NR2F6: variants seen among roughly 807,000 people sequenced by gnomAD.
NR2F6 encodes the protein nuclear receptor subfamily 2 group F member 6, also known as ERBA-related gene-2.
Under a neutral mutation model 26.5 loss-of-function variants are expected in NR2F6, and 16 were observed. The ratio of observed to expected loss-of-function variants is 0.60; its 90% CI spans 0.41 to 0.92. The LOEUF (loss-of-function observed/expected upper bound fraction) is 0.92, where lower values mean the gene tolerates loss of function less well. NR2F6 is among the 40% of genes least tolerant of loss of function. The probability of loss-of-function intolerance (pLI) is 0.00; values close to 1 mark genes in which losing one functional copy is unlikely to be tolerated. For synonymous variants in NR2F6, 325 were observed against 305.0 expected, an observed-to-expected ratio of 1.07 and a Z score of -0.68; for missense variants, 536 against 631.7, an observed-to-expected ratio of 0.85 and a Z score of 1.62.
At chr19:17,236,850 G>A (rs2073441589) in intron 2 of NR2F6, among the ~76,000 whole-genome samples, 1 of 152,236 alleles carries the variant, frequency 6.6e-6, no homozygotes, top group South Asian at 2.1e-4. Context: ...CAGTAGCCTT[G>A]CTTATGAAGC....
chr19:17,240,987 G>C (rs1233981740), intron 1 of NR2F6, among the ~76,000 whole-genome samples: 1 of 152,234 alleles, frequency 6.6e-6, no homozygotes, highest in African/African-American at 2.4e-5. Flanking sequence ...CTGTGGAAAA[G>C]CAGATGAACA....
intron 2 of NR2F6, among the ~76,000 whole-genome samples, chr19:17,236,985 G>A (rs2073442440): frequency 6.6e-6 from 1 of 152,230 alleles, no homozygotes; most frequent in Non-Finnish European, 1.5e-5. Flanking sequence ...GGGTGGGCGG[G>A]ATGGCAGGGC....
At chr19:17,240,621 C>T (rs372642988) in intron 2 of NR2F6, 50 bp downstream of exon 2, 72 of 1,584,524 alleles carry the variant, frequency 4.5e-5, no homozygotes, top group South Asian at 1.7e-4. Flanking sequence ...TTGTTCACCC[C>T]GGCTCCAGCG....
intron 1 of NR2F6, among the ~76,000 whole-genome samples, chr19:17,243,063 C>G (rs1053514009): frequency 6.6e-6 from 1 of 152,208 alleles, no homozygotes; most frequent in Non-Finnish European, 1.5e-5. Flanking sequence ...CCCCCTCTTA[C>G]AGCACAGCTC....
At position 17,245,188 on chromosome 19, in the gene NR2F6, G is replaced by A; in HGVS notation, c.33C>T (p.Pro11=). 2.2e-6 allele frequency: 3 copies of A among 1,384,612 alleles called. No individual in the cohort carries two copies. The highest frequency in any genetic ancestry group is 2.8e-6 in the Non-Finnish European group (3 of 1,066,548). The allele number at this position is 1,384,612 out of a possible 1,614,324, so 85.8% of individuals were successfully genotyped here. A position where few individuals can be genotyped will look rare whatever the true frequency, so the allele number is the denominator to read the frequency against. Residue 11 remains proline (P), a synonymous_variant, in exon 1 of 4, where the codon CCC becomes CCT. Transcript: ENST00000291442. This position sits in a 1 kb window ranked among gnomAD's most constrained non-coding sequence, Gnocchi z 5.0. ...TGTCCACGCCGTTCGTGTCGCCGCC[G>A]GGGCCGCCCCAGCCGCCGGTCACCA... is the stretch of plus-strand genomic sequence containing the variant. MAMVTGGWGG[P]GGDTNGVDKA... is the part of the protein sequence containing the mutation.
At chr19:17,243,671 G>T (rs1251871488) in intron 1 of NR2F6, among the ~76,000 whole-genome samples, 2 of 152,222 alleles carry the variant, frequency 1.3e-5, no homozygotes, top group African/African-American at 4.8e-5. Context: ...GGCCACACCA[G>T]GCCAGCCCTG....
In NR2F6 at chr19:17,232,152, G is replaced by T; in HGVS notation, c.*200C>A. On this transcript the variant is annotated 3_prime_UTR_variant, in exon 4 of 4. Coordinates refer to ENST00000291442, the MANE Select transcript of NR2F6 (RefSeq NM_005234.4). Reference sequence around the variant, plus strand: ...GGGTCCTGGGGAGGATGAGGCTGAGGCCTGGATGATCAGTCTCTTTTTGGT... The same window carrying T: ...GGGTCCTGGGGAGGATGAGGCTGAGTCCTGGATGATCAGTCTCTTTTTGGT... 1.3e-6 allele frequency: 1 copy of T among 750,700 alleles called. No homozygotes were observed. Among genetic ancestry groups the T allele is most frequent in the Non-Finnish European group, 2.1e-6 (1 of 479,238 alleles). 46.5% of individuals were successfully genotyped at this position (750,700 alleles called of 1,614,324 possible).
chr19:17,245,235 G>C lies in NR2F6; in HGVS notation c.-15C>G. ...ACCATGGCCATAGCCCCAGGGCAGC[G>C]GGGCCGGGGCGCCCCCACCGCGCTC... On this transcript the variant is annotated 5_prime_UTR_variant, in exon 1 of 4. Transcript: ENST00000291442. The surrounding 1 kb of genome is among the most constrained non-coding windows in gnomAD (Gnocchi z 5.0). The C allele has an allele frequency of 1.6e-6, 2 of 1,250,630 alleles. No homozygotes were observed. The highest frequency in any genetic ancestry group is 2.0e-6 in the Non-Finnish European group (2 of 1,000,986). 77.5% of individuals were successfully genotyped at this position (1,250,630 alleles called of 1,614,324 possible).
chr19:17,236,451 T>C (rs2073439314), intron 2 of NR2F6, among the ~76,000 whole-genome samples: 1 of 151,738 alleles, frequency 6.6e-6, no homozygotes, highest in South Asian at 2.1e-4. Flanking sequence ...GGTTAGAAAG[T>C]AAGAGTCCAG....
chr19:17,234,932 G>C (rs539257452), intron 3 of NR2F6, among the ~76,000 whole-genome samples: 1 of 152,338 alleles, frequency 6.6e-6, no homozygotes, highest in South Asian at 2.1e-4. Flanking sequence ...GCTGGAATAC[G>C]ATGGGCTACC....
chr19:17,245,117 G>A lies in NR2F6; in HGVS notation c.104C>T (p.Pro35Leu). ...CTCGGCGTCGCTGGCGGCACCGGGG[G>A]GCGAGGCCGAGTCGTCCTCGGCCGC... ...PRAAEDDSASPPGAASDAEPG... is the reference protein window; with the variant it reads ...PRAAEDDSASLPGAASDAEPG... Residue 35 changes from proline (P) to leucine (L), a missense_variant, in exon 1 of 4, where the codon CCC becomes CTC. Pro to Leu is a moderately conservative substitution (Grantham distance 98). Transcript: ENST00000291442. The surrounding 1 kb of genome is among the most constrained non-coding windows in gnomAD (Gnocchi z 5.0). 4 of 1,538,434 alleles carry A rather than the reference G, an allele frequency of 2.6e-6. No homozygotes were observed. Among genetic ancestry groups the A allele is most frequent in the Admixed American group, 2.0e-5 (1 of 49,824 alleles).
chr19:17,245,167 C>T lies in NR2F6; in HGVS notation c.54G>A (p.Val18=). The T allele has an allele frequency of 7.0e-7, 1 of 1,419,894 alleles. No homozygotes were observed. The highest frequency in any genetic ancestry group is 9.2e-7 in the Non-Finnish European group (1 of 1,085,890). 88.0% of individuals were successfully genotyped at this position (1,419,894 alleles called of 1,614,324 possible). ...CGCGCGGGTAGCCGCCCGCCTTGTCCACGCCGTTCGTGTCGCCGCCGGGGC... is the reference window on the plus strand; with the variant it reads ...CGCGCGGGTAGCCGCCCGCCTTGTCTACGCCGTTCGTGTCGCCGCCGGGGC... The part of the protein sequence containing the change: ...WGGPGGDTNG[V]DKAGGYPRAA... The change falls in exon 1 of 4, where the codon GTG becomes GTA. Residue 18 remains valine (V), a synonymous_variant. Coordinates refer to ENST00000291442, the MANE Select transcript of NR2F6 (RefSeq NM_005234.4). This position sits in a 1 kb window ranked among gnomAD's most constrained non-coding sequence, Gnocchi z 5.0.
Position 17,235,201 on chromosome 19 carries a change from G to A in NR2F6, c.940+298C>T, listed in dbSNP as rs997056317. ...GGGAGTAGGGGTCTCAGGGAGCCTG[G>A]GAACAGGAAGAGGGTTCTGGGGTCT... On this transcript the variant is annotated intron_variant, in intron 3 of 3. Transcript: ENST00000291442. The surrounding 1 kb of genome is among the most constrained non-coding windows in gnomAD (Gnocchi z 5.0). Among the ~76,000 whole-genome samples, 6 of 152,232 alleles carry A rather than the reference G, an allele frequency of 3.9e-5. No individual in the cohort carries two copies. Among genetic ancestry groups the A allele is most frequent in the Non-Finnish European group, 8.8e-5 (6 of 68,032 alleles).
chr19:17,235,437 G>GCCCTCCTCCTAACCT lies in NR2F6; in HGVS notation c.940+47_940+61dup, dbSNP rs1275484053. 13 of 1,526,072 alleles carry GCCCTCCTCCTAACCT rather than the reference G, an allele frequency of 8.5e-6. No individual in the cohort carries two copies. Among genetic ancestry groups the GCCCTCCTCCTAACCT allele is most frequent in the Admixed American group, 2.0e-5 (1 of 50,328 alleles). The allele number at this position is 1,526,072 out of a possible 1,614,324, so 94.5% of individuals were successfully genotyped here. On this transcript the variant is annotated intron_variant, in intron 3 of 3. Coordinates refer to ENST00000291442, the MANE Select transcript of NR2F6 (RefSeq NM_005234.4). This position sits in a 1 kb window ranked among gnomAD's most constrained non-coding sequence, Gnocchi z 5.0. ...GGGGGCCGGAGTCTGGGTCCAGGCC[G>GCCCTCCTCCTAACCT]CCCTCCTCCTAACCTCCCTTGGGTC...
rs1221430986 is a variant in NR2F6 at position 17,232,388 on chromosome 19, C to T, written c.1179G>A (p.Gly393=). 6.2e-7 allele frequency: 1 copy of T among 1,614,088 alleles called. No homozygotes were observed. Among genetic ancestry groups the T allele is most frequent in the Non-Finnish European group, 8.5e-7 (1 of 1,180,024 alleles). ...AGCCGTAGGGCCAGTTGAAGGTACT[C>T]CCCGACAGCAGCATGTCTCTGATCA... ...ETLIRDMLLS[G]STFNWPYGSG... Residue 393 remains glycine, a synonymous_variant, in exon 4 of 4, where the codon GGG becomes GGA. Transcript: ENST00000291442.
At chr19:17,242,694 A>G (rs1246917737) in intron 1 of NR2F6, among the ~76,000 whole-genome samples, 2 of 152,196 alleles carry the variant, frequency 1.3e-5, no homozygotes, top group African/African-American at 4.8e-5. Context: ...GGTCCAGGGC[A>G]GCCGGGTGGA....
At chr19:17,240,586 GGGA>G in intron 2 of NR2F6, 82 bp downstream of exon 2, 1 of 1,431,210 alleles carries the variant, frequency 7.0e-7, no homozygotes, top group South Asian at 1.1e-5. Context: ...TGAAAGGGAG[GGGA>G]AAAAGGGGAG....
chr19:17,240,746 T>A lies in NR2F6; in HGVS notation c.298A>T (p.Ile100Phe). 6.2e-7 allele frequency: 1 copy of A among 1,614,062 alleles called. No homozygotes were observed. Residue 100 changes from isoleucine (I) to phenylalanine (F), a missense_variant, in exon 2 of 4, where the codon ATC (isoleucine) becomes TTC (phenylalanine). Coordinates refer to ENST00000291442, the MANE Select transcript of NR2F6 (RefSeq NM_005234.4). ...CACTGGTTCCGGTGGTGCTGGTCGATCTGGCAGTCACGGTTGGACCTGGGG... is the reference window on the plus strand; with the variant it reads ...CACTGGTTCCGGTGGTGCTGGTCGAACTGGCAGTCACGGTTGGACCTGGGG... ...YTCRSNRDCQIDQHHRNQCQY... is the reference protein window; with the variant it reads ...YTCRSNRDCQFDQHHRNQCQY...
At chr19:17,233,419 A>G (rs986487785) in intron 3 of NR2F6, among the ~76,000 whole-genome samples, 2 of 152,232 alleles carry the variant, frequency 1.3e-5, no homozygotes, top group Non-Finnish European at 2.9e-5. Context: ...AGGTGTTCTC[A>G]TCTAACCAGT....
Sources: gnomAD v4.1 joint callset for allele counts (sites outside exome capture counted in the v4.1 genomes callset) on GRCh38, gnomAD v4.1.1 for gene constraint, Gnocchi (gnomAD v3.1) non-coding constraint, MANE v1.5 for transcripts, NCBI Gene and HGNC (gene_info 2026-07-23, HGNC 2026-07-21) for gene names.